The following CCDC178 variants were observed in gnomAD, a reference collection of about 807,000 sequenced individuals.
CCDC178 encodes the protein coiled-coil domain-containing protein 178.
CCDC178 carries 126 observed loss-of-function variants against 117.4 expected under a neutral mutation model. The observed-to-expected ratio is 1.07, with a 90% CI of 0.93 to 1.24. The LOEUF (loss-of-function observed/expected upper bound fraction) is 1.24, where lower values mean the gene tolerates loss of function less well. Among genes scored for constraint, CCDC178 ranks in the 50% most tolerant of loss-of-function variants. The probability of loss-of-function intolerance (pLI) is 0.00; values close to 1 mark genes in which losing one functional copy is unlikely to be tolerated. For missense variants in CCDC178, 1,030 were observed against 986.9 expected, an observed-to-expected ratio of 1.04 and a Z score of -0.59; for synonymous variants, 283 against 313.4, an observed-to-expected ratio of 0.90 and a Z score of 1.02.
chr18:32,954,429 G>C (rs957787951), intron 22 of CCDC178: 1 of 152,046 alleles, frequency 6.6e-6, no homozygotes, highest in East Asian at 1.9e-4. Context: ...TATTTGGCAT[G>C]TATTTCAAAT....
intron 20 of CCDC178, among the ~76,000 whole-genome samples, chr18:33,100,102 G>A (rs960201095): frequency 2.6e-5 from 4 of 151,832 alleles, no homozygotes; most frequent in East Asian, 1.9e-4. Context: ...CCTGTGACAC[G>A]CAGCTGACGA....
At chr18:33,061,716 T>A (rs272943) in intron 21 of CCDC178, among the ~76,000 whole-genome samples, 14,044 of 152,232 alleles carry the variant, frequency 0.092, 908 homozygotes, top group African/African-American at 0.18. Context: ...GATGCATAGA[T>A]GTTCAAATGA....
At chr18:33,196,621 C>A (rs1173245126) in intron 20 of CCDC178, among the ~76,000 whole-genome samples, 1 of 152,070 alleles carries the variant, frequency 6.6e-6, no homozygotes, top group Non-Finnish European at 1.5e-5. Context: ...TTTTTAACTT[C>A]TGGATGTTAT....
chr18:32,962,601 T>C (rs932396058), intron 22 of CCDC178, among the ~76,000 whole-genome samples: 3 of 152,124 alleles, frequency 2.0e-5, no homozygotes, highest in Admixed American at 6.6e-5. Flanking sequence ...CTAGTCTCCA[T>C]TTTTTCTGAT....
chr18:33,049,826 T>C (rs1297929160), intron 21 of CCDC178, among the ~76,000 whole-genome samples: 1 of 152,174 alleles, frequency 6.6e-6, no homozygotes, highest in African/African-American at 2.4e-5. Flanking sequence ...CTCATGCCTG[T>C]AATCCCAGCA....
intron 20 of CCDC178, among the ~76,000 whole-genome samples, chr18:33,124,526 T>C (rs1365663374): frequency 6.6e-6 from 1 of 152,234 alleles, no homozygotes; most frequent in Non-Finnish European, 1.5e-5. Flanking sequence ...ATACTAGTTT[T>C]CCCAGAACAT....
Position 33,166,300 on chromosome 18 carries a change from G to A in CCDC178, c.2238+45596C>T, listed in dbSNP as rs1392980780. On this transcript the variant is annotated intron_variant, in intron 20 of 22. Coordinates refer to ENST00000383096, the MANE Select transcript of CCDC178 (RefSeq NM_001105528.4). Reference sequence around the variant, plus strand: ...TGTTTTCAAATCTTTAAAAAATTCAGTATTTTCTGAATATGTTTATATACA... The same window carrying A: ...TGTTTTCAAATCTTTAAAAAATTCAATATTTTCTGAATATGTTTATATACA... 4.6e-5 allele frequency among the ~76,000 whole-genome samples: 7 copies of A among 152,106 alleles called. No individual in the cohort carries two copies. In the East Asian group the frequency reaches 1.3e-3, roughly 29 times the overall value.
intron 3 of CCDC178, among the ~76,000 whole-genome samples, chr18:33,405,513 A>G (rs954078638): frequency 1.3e-5 from 2 of 151,936 alleles, no homozygotes; most frequent in East Asian, 3.9e-4. Flanking sequence ...GTATGATTTG[A>G]TGTCAAATGA....
chr18:33,106,129 T>G (rs1263569932), intron 20 of CCDC178, among the ~76,000 whole-genome samples: 1 of 151,638 alleles, frequency 6.6e-6, no homozygotes, highest in Non-Finnish European at 1.5e-5. Context: ...GCTTATATAA[T>G]ATACTGCTGT....
chr18:33,041,408 A>G (rs1214386648), intron 21 of CCDC178, among the ~76,000 whole-genome samples: 3 of 151,082 alleles, frequency 2.0e-5, no homozygotes, highest in Admixed American at 1.3e-4. Context: ...ATGTATATCA[A>G]TGAAACATTT....
intron 12 of CCDC178, among the ~76,000 whole-genome samples, chr18:33,280,059 A>G (rs1188213131): frequency 6.7e-6 from 1 of 149,938 alleles, no homozygotes; most frequent in African/African-American, 2.5e-5. Context: ...CTTCATGTCT[A>G]AAACACCAAA....
intron 20 of CCDC178, among the ~76,000 whole-genome samples, chr18:33,150,924 G>A (rs2058334048): frequency 6.6e-6 from 1 of 152,248 alleles, no homozygotes; most frequent in Admixed American, 6.5e-5. Context: ...GGCATAAATA[G>A]GAATGAAATA....
At chr18:33,300,731 C>A (rs926640013) in intron 11 of CCDC178, among the ~76,000 whole-genome samples, 5 of 152,150 alleles carry the variant, frequency 3.3e-5, no homozygotes, top group African/African-American at 1.2e-4. Context: ...GAAGAAATTT[C>A]TAAGCAGCAA....
At chr18:33,147,812 C>G (rs1284092943) in intron 20 of CCDC178, among the ~76,000 whole-genome samples, 1 of 152,186 alleles carries the variant, frequency 6.6e-6, no homozygotes, top group Non-Finnish European at 1.5e-5. Flanking sequence ...TATCTTTTCC[C>G]CACATTTCCC....
At chr18:33,325,684 C>CT (rs1266619956) in intron 10 of CCDC178, among the ~76,000 whole-genome samples, 3 of 151,974 alleles carry the variant, frequency 2.0e-5, no homozygotes, top group African/African-American at 7.3e-5. Context: ...TTGAGTTTCC[C>CT]TTTGATACTG....
intron 11 of CCDC178, among the ~76,000 whole-genome samples, chr18:33,307,062 C>T (rs1423587587): frequency 4.6e-5 from 7 of 152,080 alleles, no homozygotes; most frequent in Admixed American, 4.6e-4. Context: ...CAGTCTCAGG[C>T]AGTTCTTTAT....
intron 2 of CCDC178, among the ~76,000 whole-genome samples, chr18:33,419,439 T>C (rs2063992998): frequency 6.6e-6 from 1 of 152,144 alleles, no homozygotes; most frequent in Non-Finnish European, 1.5e-5. Flanking sequence ...AAATGGGAGC[T>C]AATTGAACTA....
At chr18:33,412,714 C>T (rs1454649780) in intron 2 of CCDC178, among the ~76,000 whole-genome samples, 1 of 151,982 alleles carries the variant, frequency 6.6e-6, no homozygotes, top group Admixed American at 6.6e-5. Flanking sequence ...TAAACATAGC[C>T]ATAATACCAA....
intron 20 of CCDC178, among the ~76,000 whole-genome samples, chr18:33,159,257 T>C (rs1161805444): frequency 6.6e-6 from 1 of 152,098 alleles, no homozygotes; most frequent in African/African-American, 2.4e-5. Flanking sequence ...AATTCCTCTT[T>C]CTAGAAAATT....
Sources: allele counts gnomAD v4.1 joint callset (sites outside exome capture counted in the v4.1 genomes callset), GRCh38; gene constraint gnomAD v4.1.1; transcripts MANE v1.5; gene names NCBI Gene and HGNC (gene_info 2026-07-23, HGNC 2026-07-21).